The following AEN variants were observed in gnomAD, a reference collection of about 807,000 sequenced individuals.
AEN encodes apoptosis enhancing nuclease, also known as apoptosis-enhancing nuclease.
In AEN, 21 loss-of-function variants were observed where a neutral mutation model predicts 17.7. The observed-to-expected ratio is 1.19, with a 90% CI of 0.84 to 1.71. The LOEUF is 1.71. Ranked by LOEUF, AEN falls within the 40% of genes most tolerant of loss-of-function variation. AEN has a pLI of 0.00. For synonymous variants in AEN, 190 were observed against 173.0 expected (o/e 1.10, Z -0.77); for missense variants, 462 against 435.9 (o/e 1.06, Z -0.53).
At chr15:88,617,936 C>T (rs984927722), upstream of AEN, among the ~76,000 whole-genome samples, 4 of 152,154 alleles carry the variant, frequency 2.6e-5, no homozygotes, top group Non-Finnish European at 4.4e-5. Context: ...GCATGAAATC[C>T]CTCTGTAACA....
the AEN span, among the ~76,000 whole-genome samples, chr15:88,615,107 G>A: frequency 4.0e-5 from 6 of 151,638 alleles, no homozygotes; most frequent in Non-Finnish European, 7.4e-5. Flanking sequence ...CTCGTGATCC[G>A]CCCACCTCGG....
chr15:88,630,693 G>GA lies in AEN; in HGVS notation c.*400dup. The GA allele has an allele frequency of 4.3e-6, 1 of 231,046 alleles. No homozygotes were observed. Among genetic ancestry groups the GA allele is most frequent in the Non-Finnish European group, 8.8e-6 (1 of 113,132 alleles). The allele number at this position is 231,046 out of a possible 1,614,324, so 14.3% of individuals were successfully genotyped here. On this transcript the variant is annotated 3_prime_UTR_variant, in exon 4 of 4. Coordinates refer to ENST00000332810, the MANE Select transcript of AEN (RefSeq NM_022767.4). The surrounding 1 kb of genome is among the most constrained non-coding windows in gnomAD (Gnocchi z 5.1). ...AAGGGATCATATCATCCTCTCTGGG[G>GA]ATGGTGGGTGGGGGTGTCAATATCC...
In AEN at chr15:88,626,163, A is replaced by G. The variant is rs1331743778; in HGVS notation, c.-47A>G. On this transcript the variant is annotated 5_prime_UTR_variant, in exon 2 of 4. Transcript: ENST00000332810. ...CTCTTCAGGCTGCTGCCCCATTGGA[A>G]GATTACTCCCCAGGCTTCCCTTGCC... The G allele has an allele frequency of 2.0e-6, 3 of 1,519,902 alleles. No individual in the cohort carries two copies. Among genetic ancestry groups the G allele is most frequent in the African/African-American group, 1.4e-5 (1 of 71,982 alleles). The allele number at this position is 1,519,902 out of a possible 1,614,324, so 94.2% of individuals were successfully genotyped here. A position where few individuals can be genotyped will look rare whatever the true frequency, so the allele number is the denominator to read the frequency against.
chr15:88,618,761 A>C (rs2057758390), upstream of AEN, among the ~76,000 whole-genome samples: 1 of 152,144 alleles, frequency 6.6e-6, no homozygotes, highest in Non-Finnish European at 1.5e-5. Flanking sequence ...ACTTCTTTTA[A>C]ATTCCTGATA....
chr15:88,620,593 G>C (rs2057774823), upstream of AEN, among the ~76,000 whole-genome samples: 1 of 19,340 alleles, frequency 5.2e-5, no homozygotes, highest in African/African-American at 4.7e-4. Context: ...TTGTATTTTT[G>C]GAGAGATGGG....
the AEN span, among the ~76,000 whole-genome samples, chr15:88,615,166 G>A: frequency 2.0e-5 from 3 of 152,090 alleles, no homozygotes; most frequent in Non-Finnish European, 2.9e-5. Context: ...GCCCGGCCTC[G>A]TCTGTGTTTT....
At chr15:88,620,287 T>C (rs898037128), upstream of AEN, among the ~76,000 whole-genome samples, 7 of 152,166 alleles carry the variant, frequency 4.6e-5, no homozygotes, top group African/African-American at 1.7e-4. Context: ...GAAATAATAG[T>C]AAGGTCATTG....
At chr15:88,623,695 T>A (rs1174374102) in intron 1 of AEN, among the ~76,000 whole-genome samples, 1 of 152,232 alleles carries the variant, frequency 6.6e-6, no homozygotes, top group East Asian at 1.9e-4. Flanking sequence ...TCAGGGCTAC[T>A]GTGGGATATT....
chr15:88,611,419 G>T, the AEN span, among the ~76,000 whole-genome samples: 6 of 131,714 alleles, frequency 4.6e-5, no homozygotes, highest in Admixed American at 3.3e-4. Context: ...AATATACTGA[G>T]ACCTTGTCTT....
Position 88,626,023 on chromosome 15 carries a change from A to G in AEN, c.-64-123A>G, listed in dbSNP as rs2057846338. The G allele has an allele frequency of 5.0e-6, 3 of 601,952 alleles. No homozygotes were observed. In the South Asian group the frequency reaches 8.2e-5, roughly 16 times the overall value. 37.3% of individuals were successfully genotyped at this position (601,952 alleles called of 1,614,324 possible). On this transcript the variant is annotated intron_variant, in intron 1 of 3. Transcript: ENST00000332810. ...GGGTCCTCAACTCAATCTGGGAGCC[A>G]CGAGCTACGGTGCAGGGCTCTCGGG...
At chr15:88,626,040 G>A (rs1258157795) in intron 1 of AEN, 106 bp from the exon 2 acceptor site, 3 of 724,324 alleles carry the variant, frequency 4.1e-6, no homozygotes, top group Non-Finnish European at 6.4e-6. Context: ...ACGGTGCAGG[G>A]CTCTCGGGCA....
intron 3 of AEN, 135 bp from the exon 4 acceptor site, chr15:88,629,923 T>G (rs1462582744): frequency 1.2e-6 from 1 of 802,322 alleles, no homozygotes; most frequent in South Asian, 1.6e-5. Flanking sequence ...TTCCATCCCT[T>G]TTCTGTGAAC....
chr15:88,624,415 G>A (rs547052019), intron 1 of AEN, among the ~76,000 whole-genome samples: 6 of 152,162 alleles, frequency 3.9e-5, no homozygotes, highest in Non-Finnish European at 8.8e-5. Context: ...TGCCAACCAC[G>A]GGCTAGAGTC....
At chr15:88,611,735 G>T in the AEN span, 1 of 333,128 alleles carries the variant, frequency 3.0e-6, no homozygotes. Context: ...TAATAGGAGC[G>T]GAGACAACGC....
Position 88,629,336 on chromosome 15 carries a change from C to T in AEN, c.651C>T (p.Val217=). The part of the protein sequence containing the change: ...PRSQTRDTTY[V]PNFLSEPGLH... ...GCCAGACCCGGGATACGACCTATGT[C>T]CCAAACTTCCTCAGCGAGCCCGGCC... Residue 217 remains valine (V), a synonymous_variant, in exon 3 of 4, where the codon GTC becomes GTT. Coordinates refer to ENST00000332810, the MANE Select transcript of AEN (RefSeq NM_022767.4). 2 of 1,614,106 alleles carry T rather than the reference C, an allele frequency of 1.2e-6. No homozygotes were observed. Among genetic ancestry groups the T allele is most frequent in the Non-Finnish European group, 1.7e-6 (2 of 1,180,002 alleles).
the AEN span, among the ~76,000 whole-genome samples, chr15:88,609,124 A>G: frequency 6.6e-6 from 1 of 152,116 alleles, no homozygotes; most frequent in African/African-American, 2.4e-5. Flanking sequence ...GAATGGATAG[A>G]TGCCTGATCA....
At chr15:88,619,317 G>A (rs1467426576), upstream of AEN, among the ~76,000 whole-genome samples, 1 of 152,174 alleles carries the variant, frequency 6.6e-6, no homozygotes, top group Non-Finnish European at 1.5e-5. Context: ...TGAGGAGAGG[G>A]AAGCTGAACC....
Position 88,631,233 on chromosome 15 carries a change from G to A in AEN, c.*939G>A. 1 of 449,406 alleles carries A rather than the reference G, an allele frequency of 2.2e-6. No homozygotes were observed. The highest frequency in any genetic ancestry group is 4.5e-6 in the Non-Finnish European group (1 of 221,042). 27.8% of individuals were successfully genotyped at this position (449,406 alleles called of 1,614,324 possible). Reference sequence around the variant, plus strand: ...AGCAGGGCCACTCGTCTAGGGCAGTGGAGTCTGCGTGTCTCCTGGGGCTGG... The same window carrying A: ...AGCAGGGCCACTCGTCTAGGGCAGTAGAGTCTGCGTGTCTCCTGGGGCTGG... On this transcript the variant is annotated 3_prime_UTR_variant, in exon 4 of 4. Transcript: ENST00000332810.
At chr15:88,607,587 A>C in the AEN span, among the ~76,000 whole-genome samples, 3 of 152,254 alleles carry the variant, frequency 2.0e-5, no homozygotes, top group East Asian at 3.8e-4. Flanking sequence ...AGTTTGTTTT[A>C]AACTGAGATA....
Sources: gnomAD v4.1 joint callset for allele counts (sites outside exome capture counted in the v4.1 genomes callset) on GRCh38, gnomAD v4.1.1 for gene constraint, Gnocchi (gnomAD v3.1) non-coding constraint, MANE v1.5 for transcripts, NCBI Gene and HGNC (gene_info 2026-07-23, HGNC 2026-07-21) for gene names.